GLG1: variants seen among roughly 807,000 people sequenced by gnomAD.
The protein encoded by GLG1 is Golgi apparatus protein 1.
A neutral mutation model predicts 160.5 loss-of-function variants in GLG1; 38 were observed. The ratio of observed to expected loss-of-function variants is 0.24; its 90% CI spans 0.18 to 0.31. GLG1 has a LOEUF of 0.31. GLG1 is among the 10% of genes least tolerant of loss of function. The probability of loss-of-function intolerance (pLI) is 1.00; values close to 1 mark genes in which losing one functional copy is unlikely to be tolerated. For synonymous variants in GLG1, 644 were observed against 543.4 expected, an observed-to-expected ratio of 1.19 and a Z score of -2.57; for missense variants, 1,373 against 1,505.2, an observed-to-expected ratio of 0.91 and a Z score of 1.45.
At chr16:74,471,448 G>C (rs2015205018) in intron 14 of GLG1, among the ~76,000 whole-genome samples, 162 bp from the exon 15 acceptor site, 1 of 152,102 alleles carries the variant, frequency 6.6e-6, no homozygotes, top group African/African-American at 2.4e-5. Context: ...AATCACAATG[G>C]TATACATTCA....
At chr16:74,604,727 G>C (rs1181387887) in intron 1 of GLG1, among the ~76,000 whole-genome samples, 1 of 152,066 alleles carries the variant, frequency 6.6e-6, no homozygotes, top group East Asian at 1.9e-4. Context: ...AGACTAAGCA[G>C]AATGAAATTT....
At chr16:74,559,914 G>A (rs376850778) in intron 1 of GLG1, among the ~76,000 whole-genome samples, 2 of 152,292 alleles carry the variant, frequency 1.3e-5, no homozygotes, top group Middle Eastern at 3.4e-3. Flanking sequence ...GAAAAGTTGA[G>A]AAGACAGCAC....
At chr16:74,538,739 T>A (rs1177001456) in intron 1 of GLG1, among the ~76,000 whole-genome samples, 1 of 150,790 alleles carries the variant, frequency 6.6e-6, no homozygotes, top group Non-Finnish European at 1.5e-5. Flanking sequence ...TTTTTTTTTT[T>A]TTTTTTTTCT....
chr16:74,480,214 G>T, intron 11 of GLG1, 27 bp downstream of exon 11: 2 of 1,553,832 alleles, frequency 1.3e-6, no homozygotes, highest in Non-Finnish European at 1.8e-6. Flanking sequence ...ACAAGAAGAA[G>T]AAATGAAGTC....
intron 13 of GLG1, chr16:74,472,625 C>A: frequency 7.2e-7 from 1 of 1,394,592 alleles, no homozygotes; most frequent in Non-Finnish European, 9.6e-7. Flanking sequence ...AAGACATATT[C>A]CCTTTCGGCC....
rs201463615 is a variant in GLG1, at chr16:74,477,408, T to C, written c.1953A>G (p.Thr651=). ...CGATGTCACCTACCTGTCCAGTCTCTGTTTTCTCACTGCACCATTTTCCCA... is the reference window on the plus strand; with the variant it reads ...CGATGTCACCTACCTGTCCAGTCTCCGTTTTCTCACTGCACCATTTTCCCA... ...IDLGKWCSEK[T]ETGQELECLQ... is the part of the protein sequence containing the mutation. The change falls in exon 12 of 26, where the codon ACA becomes ACG. Residue 651 remains threonine, a synonymous_variant. Coordinates refer to ENST00000422840, the MANE Select transcript of GLG1 (RefSeq NM_001145667.2). 1.9e-6 allele frequency: 3 copies of C among 1,612,444 alleles called. No homozygotes were observed. Among genetic ancestry groups the C allele is most frequent in the Non-Finnish European group, 8.5e-7 (1 of 1,178,464 alleles).
Position 74,480,333 on chromosome 16 carries a change from C to T in GLG1, c.1735G>A (p.Gly579Ser), listed in dbSNP as rs371289738. 9 of 1,613,200 alleles carry T rather than the reference C, an allele frequency of 5.6e-6. No individual in the cohort carries two copies. The highest frequency in any genetic ancestry group is 1.3e-5 in the African/African-American group (1 of 74,896). The change falls in exon 11 of 26, where the codon GGT becomes AGT. Residue 579 changes from glycine to serine, a missense_variant. Physicochemically the swap from Gly to Ser is moderately conservative, Grantham distance 56. This residue lies in a region of GLG1 where 386 missense variants were observed against 388.5 expected (regional missense o/e 0.99). Transcript: ENST00000422840. ...ATAAATTCACTGGTCTCATTCCAACCGTGGGTGTGGCAAAGACGAGAAGCG... is the reference window on the plus strand; with the variant it reads ...ATAAATTCACTGGTCTCATTCCAACTGTGGGTGTGGCAAAGACGAGAAGCG... Reference protein sequence around the residue: ...GDASRLCHTHGWNETSEFMPQ... With the variant: ...GDASRLCHTHSWNETSEFMPQ...
intron 3 of GLG1, 30 bp downstream of exon 3, chr16:74,508,809 A>T: frequency 1.1e-6 from 1 of 877,022 alleles, no homozygotes; most frequent in Non-Finnish European, 2.0e-6. Context: ...CTAAGCCATT[A>T]GTTGTCTACA....
intron 20 of GLG1, chr16:74,462,961 T>G (rs2014860315): frequency 2.4e-6 from 1 of 420,264 alleles, no homozygotes; most frequent in South Asian, 3.1e-5. Context: ...GAAAAAGAAA[T>G]ACAATATCCA....
chr16:74,451,846 C>T lies in GLG1; in HGVS notation c.*1321G>A. Reference sequence around the variant, plus strand: ...GGCGGGATGGCCAAGAATATTGCTTCTATAAAGCCCATATTCTGCAAAGGT... The same window carrying T: ...GGCGGGATGGCCAAGAATATTGCTTTTATAAAGCCCATATTCTGCAAAGGT... On this transcript the variant is annotated 3_prime_UTR_variant, in exon 26 of 26. Coordinates refer to ENST00000422840, the MANE Select transcript of GLG1 (RefSeq NM_001145667.2). 1 of 525,358 alleles carries T rather than the reference C, an allele frequency of 1.9e-6. No individual in the cohort carries two copies. The allele number at this position is 525,358 out of a possible 1,614,324, so 32.5% of individuals were successfully genotyped here.
chr16:74,452,019 G>C lies in GLG1; in HGVS notation c.*1148C>G. 1 of 1,439,350 alleles carries C rather than the reference G, an allele frequency of 6.9e-7. No individual in the cohort carries two copies. The highest frequency in any genetic ancestry group is 9.8e-7 in the Non-Finnish European group (1 of 1,020,272). 89.2% of individuals were successfully genotyped at this position (1,439,350 alleles called of 1,614,324 possible). ...CCTCTCCACGTAGAGGCACAAAGGA[G>C]CTTGTCTGGGAAGTTTGTCTGGAGT... is the stretch of plus-strand genomic sequence containing the variant. On this transcript the variant is annotated 3_prime_UTR_variant, in exon 26 of 26. Coordinates refer to ENST00000422840, the MANE Select transcript of GLG1 (RefSeq NM_001145667.2).
chr16:74,492,565 T>C (rs2016037942), intron 7 of GLG1, among the ~76,000 whole-genome samples: 1 of 150,798 alleles, frequency 6.6e-6, no homozygotes, highest in African/African-American at 2.4e-5. Flanking sequence ...ACACCTATAA[T>C]CCAAGCACTT....
At chr16:74,477,977 A>AAAACAAACAAAC (rs55773213) in intron 11 of GLG1, among the ~76,000 whole-genome samples, 33 of 140,200 alleles carry the variant, frequency 2.4e-4, no homozygotes, top group South Asian at 2.8e-4. Context: ...CCGTCTCAAA[A>AAAACAAACAAAC]AAATAAATAA....
At chr16:74,534,236 G>A (rs1363793806) in intron 1 of GLG1, among the ~76,000 whole-genome samples, 4 of 151,822 alleles carry the variant, frequency 2.6e-5, no homozygotes, top group Non-Finnish European at 2.9e-5. Context: ...CCTCCATGCT[G>A]AGTCGACCTA....
At chr16:74,522,000 C>G (rs1001615832) in intron 2 of GLG1, among the ~76,000 whole-genome samples, 1 of 152,224 alleles carries the variant, frequency 6.6e-6, no homozygotes, top group Non-Finnish European at 1.5e-5. Flanking sequence ...CATGAAAGTA[C>G]GGCATCCCGA....
chr16:74,517,243 C>T (rs1053535041), intron 2 of GLG1, among the ~76,000 whole-genome samples: 2 of 151,582 alleles, frequency 1.3e-5, no homozygotes, highest in Non-Finnish European at 2.9e-5. Context: ...TGGCACACAA[C>T]AAAAAAAGGG....
At chr16:74,464,218 AT>A (rs1194461217) in intron 19 of GLG1, among the ~76,000 whole-genome samples, 1 of 152,148 alleles carries the variant, frequency 6.6e-6, no homozygotes, top group African/African-American at 2.4e-5. Flanking sequence ...TGAGGAACTT[AT>A]TGTTTAAGCA....
Position 74,513,098 on chromosome 16 carries a change from T to C in GLG1, c.472-4173A>G, listed in dbSNP as rs945655637. ...AGATCACATTGAATACCGCAGTTCA[T>C]ATTAAAGGTTTTGAATTTTATCTTA... On this transcript the variant is annotated intron_variant, in intron 2 of 25. Coordinates refer to ENST00000422840, the MANE Select transcript of GLG1 (RefSeq NM_001145667.2). 9.2e-5 allele frequency among the ~76,000 whole-genome samples: 14 copies of C among 152,266 alleles called. 2 individuals are homozygous for C.
intron 1 of GLG1, among the ~76,000 whole-genome samples, chr16:74,567,313 C>T (rs953143512): frequency 4.6e-5 from 7 of 152,006 alleles, no homozygotes; most frequent in African/African-American, 1.7e-4. Context: ...TGTTGTAACA[C>T]GTCCCTCAGC....
Sources: allele counts gnomAD v4.1 joint callset (sites outside exome capture counted in the v4.1 genomes callset), GRCh38; gene constraint gnomAD v4.1.1; regional missense constraint gnomAD v4.1.1; transcripts MANE v1.5; gene names NCBI Gene and HGNC (gene_info 2026-07-23, HGNC 2026-07-21).